The following PLEKHG7 variants were observed in gnomAD, a reference collection of about 807,000 sequenced individuals.
The protein encoded by PLEKHG7 is pleckstrin homology and RhoGEF domain containing G7.
In PLEKHG7, 77 loss-of-function variants were observed where a neutral mutation model predicts 85.2. The observed-to-expected ratio is 0.90, with a 90% CI of 0.75 to 1.09. PLEKHG7 has a LOEUF of 1.09. Ranked by LOEUF, PLEKHG7 falls within the 50% of genes least tolerant of loss-of-function variation. The probability of loss-of-function intolerance (pLI) is 0.00; values close to 1 mark genes in which losing one functional copy is unlikely to be tolerated. For missense variants in PLEKHG7, 777 were observed against 804.3 expected, an observed-to-expected ratio of 0.97 and a Z score of 0.41; for synonymous variants, 301 against 302.4, an observed-to-expected ratio of 1.00 and a Z score of 0.05.
Position 92,749,013 on chromosome 12 carries a change from G to C in PLEKHG7, c.1251+3422G>C, listed in dbSNP as rs186431981. On this transcript the variant is annotated intron_variant, in intron 10 of 16. Coordinates refer to ENST00000344636, the MANE Select transcript of PLEKHG7 (RefSeq NM_001377329.1). The stretch of plus-strand genomic sequence containing the variant: ...AGACAAATTAGGCAACATGCTGAAA[G>C]ATATGGTTGTTCTAGGGCAGAGGTA... Among the ~76,000 whole-genome samples, 684 of 152,316 alleles carry C rather than the reference G, an allele frequency of 4.5e-3. 5 individuals are homozygous for C. The highest frequency in any genetic ancestry group is 0.016 in the African/African-American group (651 of 41,564).
intron 15 of PLEKHG7, among the ~76,000 whole-genome samples, chr12:92,765,427 C>G (rs1317998673): frequency 6.6e-6 from 1 of 151,754 alleles, no homozygotes. Flanking sequence ...GTCGGGAGCT[C>G]GAGACCAGCC....
rs140549276 is a variant in PLEKHG7, at chr12:92,768,873, A to G, written c.1871-110A>G. The stretch of plus-strand genomic sequence containing the variant: ...CTAGATAAACCTCCCACCCTCGTTA[A>G]AACAGAAACAAGCCAAATAGAAAAC... On this transcript the variant is annotated intron_variant, in intron 15 of 16. Transcript: ENST00000344636. 2.5e-3 allele frequency: 1,862 copies of G among 736,044 alleles called. 5 individuals carry two copies. The highest frequency in any genetic ancestry group is 3.4e-3 in the Non-Finnish European group (1,576 of 468,974). The allele number at this position is 736,044 out of a possible 1,614,324, so 45.6% of individuals were successfully genotyped here.
intron 11 of PLEKHG7, 31 bp downstream of exon 11, chr12:92,754,295 C>T: frequency 6.2e-7 from 1 of 1,603,884 alleles, no homozygotes; most frequent in Non-Finnish European, 8.5e-7. Flanking sequence ...AGCTTAATTA[C>T]AGAATTGTGG....
intron 15 of PLEKHG7, among the ~76,000 whole-genome samples, chr12:92,767,800 A>G (rs112499331): frequency 5.3e-5 from 8 of 152,304 alleles, no homozygotes; most frequent in African/African-American, 1.9e-4. Flanking sequence ...CAGCTTAATG[A>G]TCAGCAAGAA....
intron 1 of PLEKHG7, 138 bp from the exon 2 acceptor site, chr12:92,706,333 C>G (rs147691634): frequency 3.7e-6 from 1 of 270,980 alleles, no homozygotes; most frequent in South Asian, 1.2e-4. Context: ...ATCTTCTGAA[C>G]GTAAAGGATG....
intron 13 of PLEKHG7, among the ~76,000 whole-genome samples, chr12:92,758,530 A>T (rs920645942): frequency 6.6e-6 from 1 of 152,236 alleles, no homozygotes; most frequent in African/African-American, 2.4e-5. Flanking sequence ...TCTAAGTCAG[A>T]TGTGAATTCA....
At chr12:92,719,749 T>C (rs779431659) in intron 3 of PLEKHG7, among the ~76,000 whole-genome samples, 3 of 152,248 alleles carry the variant, frequency 2.0e-5, no homozygotes, top group Non-Finnish European at 4.4e-5. Context: ...AGAAGGAATC[T>C]TTTAAAAATG....
At position 92,772,230 on chromosome 12, in the gene PLEKHG7, C is replaced by A. The variant is rs921225294; in HGVS notation, c.*2035C>A. 2 of 151,726 alleles carry A rather than the reference C, an allele frequency of 1.3e-5. No homozygotes were observed. The highest frequency in any genetic ancestry group is 2.9e-5 in the Non-Finnish European group (2 of 67,822). 9.4% of individuals were successfully genotyped at this position (151,726 alleles called of 1,614,324 possible). A position where few individuals can be genotyped will look rare whatever the true frequency, so the allele number is the denominator to read the frequency against. ...TGGTCATCTGGGTATTAAATGCAGA[C>A]ACACAATGAAATAAGGGGTTAATTA... On this transcript the variant is annotated 3_prime_UTR_variant, in exon 17 of 17. Transcript: ENST00000344636.
intron 5 of PLEKHG7, among the ~76,000 whole-genome samples, chr12:92,735,661 T>C (rs1309987438): frequency 6.6e-6 from 1 of 152,200 alleles, no homozygotes. Context: ...AAGTGGGCAA[T>C]TCATGATGTC....
chr12:92,718,610 G>A (rs78170560), intron 3 of PLEKHG7, among the ~76,000 whole-genome samples: 3,324 of 152,220 alleles, frequency 0.022, 119 homozygotes, highest in African/African-American at 0.073. Flanking sequence ...CTTTTGTTTC[G>A]TGTATTTTCT....
At chr12:92,716,222 G>A (rs1425136766) in intron 3 of PLEKHG7, among the ~76,000 whole-genome samples, 2 of 151,846 alleles carry the variant, frequency 1.3e-5, no homozygotes, top group South Asian at 2.1e-4. Flanking sequence ...TCAGCCTCCC[G>A]AGTAGGTGGG....
chr12:92,734,669 C>A (rs1199750828), intron 5 of PLEKHG7, among the ~76,000 whole-genome samples: 3 of 151,998 alleles, frequency 2.0e-5, no homozygotes, highest in Non-Finnish European at 4.4e-5. Context: ...CCTGGAAACT[C>A]CTCCCTCCAT....
chr12:92,769,424 G>C (rs960773568), intron 16 of PLEKHG7, among the ~76,000 whole-genome samples: 6 of 152,172 alleles, frequency 3.9e-5, no homozygotes, highest in Admixed American at 6.5e-5. Context: ...TGGATTGCAT[G>C]ATGAACCTTT....
At chr12:92,707,194 A>G in intron 2 of PLEKHG7, 56 bp downstream of exon 2, 2 of 1,549,854 alleles carry the variant, frequency 1.3e-6, no homozygotes, top group Non-Finnish European at 1.7e-6. Context: ...AGCAAAATAG[A>G]TCTCAGAGTT....
rs146486102 is a variant in PLEKHG7, at chr12:92,732,405, TATC to T, written c.699+137_699+139del. 21 of 503,380 alleles carry T rather than the reference TATC, an allele frequency of 4.2e-5. No individual in the cohort carries two copies. The East Asian group carries it at 6.3e-4, about 15-fold the overall frequency. 31.2% of individuals were successfully genotyped at this position (503,380 alleles called of 1,614,324 possible). A position where few individuals can be genotyped will look rare whatever the true frequency, so the allele number is the denominator to read the frequency against. On this transcript the variant is annotated intron_variant, in intron 5 of 16. Transcript: ENST00000344636. ...CAGATGGCACGTGAAATATAAATGATATCATCACATCCGTAGTATTGGCTACGG... is the reference window on the plus strand; with the variant it reads ...CAGATGGCACGTGAAATATAAATGATATCACATCCGTAGTATTGGCTACGG...
At chr12:92,713,425 T>TTGCCGC (rs1565786597) in intron 3 of PLEKHG7, among the ~76,000 whole-genome samples, 4 of 152,156 alleles carry the variant, frequency 2.6e-5, no homozygotes, top group Non-Finnish European at 5.9e-5. Flanking sequence ...TCTATTCTGA[T>TTGCCGC]TGCCGCTTTG....
chr12:92,754,107 A>G lies in PLEKHG7; in HGVS notation c.1269A>G (p.Glu423=). The G allele has an allele frequency of 1.2e-6, 2 of 1,613,842 alleles. No individual in the cohort carries two copies. Among genetic ancestry groups the G allele is most frequent in the African/African-American group, 1.3e-5 (1 of 75,048 alleles). ...TTCCCCAGTGGTGTGAGCAGAATGA[A>G]CAATGCAGACGGCTCCACGTGCCAG... is the stretch of plus-strand genomic sequence containing the variant. ...GIYLKWCEQN[E]QCRRLHVPEL... The change falls in exon 11 of 17, where the codon GAA becomes GAG. Residue 423 remains glutamate (E), a synonymous_variant. Coordinates refer to ENST00000344636, the MANE Select transcript of PLEKHG7 (RefSeq NM_001377329.1).
intron 4 of PLEKHG7, among the ~76,000 whole-genome samples, chr12:92,731,479 A>G (rs1871991894): frequency 6.6e-6 from 1 of 152,204 alleles, no homozygotes; most frequent in Non-Finnish European, 1.5e-5. Context: ...TAAGACATCC[A>G]TTTTGTATGC....
intron 9 of PLEKHG7, among the ~76,000 whole-genome samples, chr12:92,742,826 G>T (rs1011068701): frequency 6.6e-6 from 1 of 151,908 alleles, no homozygotes; most frequent in African/African-American, 2.4e-5. Flanking sequence ...CCAAAGTGCT[G>T]GGATTAGAGG....
Sources: allele counts gnomAD v4.1 joint callset (sites outside exome capture counted in the v4.1 genomes callset), GRCh38; gene constraint gnomAD v4.1.1; transcripts MANE v1.5; gene names NCBI Gene and HGNC (gene_info 2026-07-23, HGNC 2026-07-21).